Variants in JAKMIP3 observed in about 807,000 individuals in gnomAD.
The protein encoded by JAKMIP3 is janus kinase and microtubule-interacting protein 3.
A neutral mutation model predicts 118.5 loss-of-function variants in JAKMIP3; 58 were observed. The observed-to-expected ratio is 0.49, with a 90% CI of 0.40 to 0.61. The LOEUF (loss-of-function observed/expected upper bound fraction) is 0.61, where lower values mean the gene tolerates loss of function less well. JAKMIP3 is among the 20% of genes least tolerant of loss of function. The pLI, the probability that JAKMIP3 is intolerant of heterozygous loss-of-function variation, is 0.00. For synonymous variants in JAKMIP3, 486 were observed against 451.2 expected (o/e 1.08, Z -0.98); for missense variants, 950 against 1,109.0 (o/e 0.86, Z 2.04).
chr10:132,055,688 A>G (rs2133826779), intron 1 of JAKMIP3, among the ~76,000 whole-genome samples: 1 of 152,270 alleles, frequency 6.6e-6, no homozygotes, highest in East Asian at 1.9e-4. Context: ...TTATCCCGAC[A>G]TCTTAACATT....
intron 13 of JAKMIP3, among the ~76,000 whole-genome samples, chr10:132,147,475 G>A (rs1050717528): frequency 1.3e-5 from 2 of 152,204 alleles, no homozygotes; most frequent in African/African-American, 4.8e-5. Context: ...CCAGGCAGCC[G>A]TGGTACCCGC....
intron 22 of JAKMIP3, 43 bp downstream of exon 22, chr10:132,167,098 C>G (rs79768518): frequency 7.2e-7 from 1 of 1,387,664 alleles, no homozygotes; most frequent in Non-Finnish European, 1.0e-6. Flanking sequence ...TCCCGCTCTG[C>G]TTCCCGGAAG....
chr10:132,051,963 C>T lies in JAKMIP3; in HGVS notation c.-138+15225C>T, dbSNP rs2038117642. Among the ~76,000 whole-genome samples, 6 of 152,310 alleles carry T rather than the reference C, an allele frequency of 3.9e-5. No homozygotes were observed. In the South Asian group the frequency reaches 1.2e-3, roughly 32 times the overall value. On this transcript the variant is annotated intron_variant, in intron 1 of 23. Transcript: ENST00000657785. ...ACATTATCCCAGCCAGGTGTGGTGGCTCACACCCAGTACTTTGGGAGGCAG... is the reference window on the plus strand; with the variant it reads ...ACATTATCCCAGCCAGGTGTGGTGGTTCACACCCAGTACTTTGGGAGGCAG...
chr10:132,163,034 G>A (rs2058518163), intron 19 of JAKMIP3, among the ~76,000 whole-genome samples, 175 bp from the exon 20 acceptor site: 1 of 152,212 alleles, frequency 6.6e-6, no homozygotes, highest in African/African-American at 2.4e-5. Context: ...CACAGACTGG[G>A]GAGGTCCGTG....
At chr10:132,180,576 TGTGCGTGCGCGTGTGTGTGTGCGTGC>T (rs2060790905) in intron 23 of JAKMIP3, among the ~76,000 whole-genome samples, 1 of 19,916 alleles carries the variant, frequency 5.0e-5, no homozygotes, top group Non-Finnish European at 8.6e-5. Context: ...TGCGTGTGTG[TGTGCGTGCGCGTGTGTGTGTGCGTGC>T]GCGTGTGTGT....
At chr10:132,098,547 C>CTT (rs1382322684) in intron 1 of JAKMIP3, among the ~76,000 whole-genome samples, 1 of 152,314 alleles carries the variant, frequency 6.6e-6, no homozygotes, top group South Asian at 2.1e-4. Flanking sequence ...TCTTGTCCAT[C>CTT]TTGAAGCATC....
intron 1 of JAKMIP3, among the ~76,000 whole-genome samples, chr10:132,048,591 G>A (rs1253486880): frequency 2.0e-5 from 3 of 151,742 alleles, no homozygotes; most frequent in African/African-American, 7.2e-5. Context: ...TGGTTTTGCG[G>A]TGTGTGTGTG....
In JAKMIP3 at chr10:132,152,985, G is replaced by T. The variant is rs368527879; in HGVS notation, c.2035G>T (p.Val679Phe). ...CCTGACCAATGAGGAGCAGGTGGTT[G>T]TCATACAAGCCAGGACAGTCCTGAC... ...SNLTNEEQVV[V>F]IQARTVLTLA... Residue 679 changes from valine (V) to phenylalanine (F), a missense_variant, in exon 17 of 24, where the codon GTC (valine) becomes TTC (phenylalanine). Transcript: ENST00000684848. The T allele has an allele frequency of 4.4e-6, 7 of 1,608,726 alleles. No individual in the cohort carries two copies. Among genetic ancestry groups the T allele is most frequent in the African/African-American group, 4.0e-5 (3 of 74,878 alleles).
intron 20 of JAKMIP3, among the ~76,000 whole-genome samples, chr10:132,163,866 G>C (rs932583971): frequency 6.6e-6 from 1 of 152,226 alleles, no homozygotes; most frequent in African/African-American, 2.4e-5. Flanking sequence ...TGTTCTCTGG[G>C]GACAGCAGCC....
intron 2 of JAKMIP3, 142 bp downstream of exon 2, chr10:132,105,085 T>G (rs1426260530): frequency 1.0e-6 from 1 of 983,194 alleles, no homozygotes; most frequent in Non-Finnish European, 1.5e-6. Flanking sequence ...GACAGACCAC[T>G]TGGTGGGGGG....
At chr10:132,069,466 A>C (rs2039470432) in intron 1 of JAKMIP3, among the ~76,000 whole-genome samples, 1 of 152,136 alleles carries the variant, frequency 6.6e-6, no homozygotes, top group South Asian at 2.1e-4. Flanking sequence ...CCCCCCAGAC[A>C]ACCTTCTCAG....
At chr10:132,175,148 G>T (rs770821159) in intron 23 of JAKMIP3, among the ~76,000 whole-genome samples, 1 of 152,144 alleles carries the variant, frequency 6.6e-6, no homozygotes, top group Non-Finnish European at 1.5e-5. Context: ...ATGAAGCGTG[G>T]TTTTTGATGT....
rs1397852940 is a variant in JAKMIP3, at chr10:132,180,752, CGTGTGTGCGTGTGTGTGCGTGT to C, written c.*1104-1597_*1104-1576del. On this transcript the variant is annotated intron_variant, in intron 23 of 23. Coordinates refer to ENST00000684848, the MANE Select transcript of JAKMIP3 (RefSeq NM_001323087.2). ...GTGCGTGTGTGCGTGCGTGCGCGCG[CGTGTGTGCGTGTGTGTGCGTGT>C]GTGTGTGTGCGCGTATGCATGTGCT... 1.5e-4 allele frequency among the ~76,000 whole-genome samples: 2 copies of C among 13,678 alleles called. 1 individual carries two copies. The highest frequency in any genetic ancestry group is 3.1e-4 in the Non-Finnish European group (2 of 6,524). The allele number at this position is 13,678 out of a possible 152,430, so 9.0% of individuals were successfully genotyped here.
chr10:132,174,963 T>C (rs1414249366), intron 23 of JAKMIP3, among the ~76,000 whole-genome samples: 1 of 152,212 alleles, frequency 6.6e-6, no homozygotes, highest in Non-Finnish European at 1.5e-5. Context: ...TTGTTTGCTT[T>C]GTTATTCCTG....
chr10:132,067,388 G>C (rs904180052), intron 1 of JAKMIP3, among the ~76,000 whole-genome samples: 3 of 152,098 alleles, frequency 2.0e-5, no homozygotes, highest in Non-Finnish European at 4.4e-5. Context: ...AACATGCACG[G>C]AGCTCCTGCT....
rs754186258 is a variant in JAKMIP3 at position 132,138,201 on chromosome 10, G to A, written c.1344+23G>A. ...AAGGTAAGGAACAGCACACCGGCACGTGCGGAGAGTACGCCGGGTGTGTGC... is the reference window on the plus strand; with the variant it reads ...AAGGTAAGGAACAGCACACCGGCACATGCGGAGAGTACGCCGGGTGTGTGC... On this transcript the variant is annotated intron_variant, in intron 9 of 23. Coordinates refer to ENST00000684848, the MANE Select transcript of JAKMIP3 (RefSeq NM_001323087.2). The A allele has an allele frequency of 2.6e-5, 41 of 1,590,066 alleles. No individual in the cohort carries two copies. The South Asian group carries it at 3.0e-4, about 12-fold the overall frequency.
intron 3 of JAKMIP3, among the ~76,000 whole-genome samples, chr10:132,129,889 T>C (rs1336440900): frequency 6.6e-6 from 1 of 151,522 alleles, no homozygotes; most frequent in Non-Finnish European, 1.5e-5. Flanking sequence ...TTTTTTTTTT[T>C]TTTCCTTCAG....
At chr10:132,180,975 GCATGTGTGTGTAGTGTATTGTGTGTA>G (rs1260367002) in intron 23 of JAKMIP3, among the ~76,000 whole-genome samples, 2 of 150,062 alleles carry the variant, frequency 1.3e-5, no homozygotes, top group African/African-American at 2.4e-5. Flanking sequence ...TATTGTGTGG[GCATGTGTGTGTAGTGTATTGTGTGTA>G]CATGCATGTG....
intron 23 of JAKMIP3, among the ~76,000 whole-genome samples, chr10:132,177,154 G>A (rs2060217005): frequency 1.3e-5 from 2 of 152,218 alleles, no homozygotes; most frequent in Admixed American, 6.5e-5. Flanking sequence ...CAGCTGTCTT[G>A]CAATCTATAA....
Sources: gnomAD v4.1 joint callset for allele counts (sites outside exome capture counted in the v4.1 genomes callset) on GRCh38, gnomAD v4.1.1 for gene constraint, MANE v1.5 for transcripts, NCBI Gene and HGNC (gene_info 2026-07-23, HGNC 2026-07-21) for gene names.